NCBP3: variants seen among roughly 807,000 people sequenced by gnomAD.
NCBP3 encodes nuclear cap binding subunit 3, also known as nuclear cap-binding protein subunit 3.
A neutral mutation model predicts 75.7 loss-of-function variants in NCBP3; 20 were observed. That is an observed-to-expected ratio of 0.26 (90% CI 0.19 to 0.38). The LOEUF (loss-of-function observed/expected upper bound fraction) is 0.38, where lower values mean the gene tolerates loss of function less well. NCBP3 is among the 10% of genes least tolerant of loss of function. The pLI is 1.00. For missense variants in NCBP3, 678 were observed against 796.9 expected, an observed-to-expected ratio of 0.85 and a Z score of 1.80; for synonymous variants, 293 against 290.5, an observed-to-expected ratio of 1.01 and a Z score of -0.09.
chr17:3,829,131 A>C lies in NCBP3; in HGVS notation c.481+112T>G, dbSNP rs1239767593. 24 of 1,208,444 alleles carry C rather than the reference A, an allele frequency of 2.0e-5. 1 individual carries two copies. The East Asian group carries it at 6.2e-4, about 31-fold the overall frequency. 74.9% of individuals were successfully genotyped at this position (1,208,444 alleles called of 1,614,324 possible). ...TTTTCTCTCCTGGACTAACAGCAGA[A>C]GTTCGGCATAAACAAGTAGTATGGG... On this transcript the variant is annotated intron_variant, in intron 4 of 12. Coordinates refer to ENST00000389005, the MANE Select transcript of NCBP3 (RefSeq NM_001114118.3).
At chr17:3,823,574 TTTA>T (rs1400440580) in intron 7 of NCBP3, among the ~76,000 whole-genome samples, 4 of 152,156 alleles carry the variant, frequency 2.6e-5, no homozygotes, top group Non-Finnish European at 4.4e-5. Context: ...CCACCAATTT[TTTA>T]TTTTAATCAT....
In NCBP3 at chr17:3,821,879, A is replaced by T. The variant is rs1025178172; in HGVS notation, c.896+74T>A. 10 of 956,108 alleles carry T rather than the reference A, an allele frequency of 1.0e-5. No individual in the cohort carries two copies. The African/African-American group carries it at 1.5e-4, about 14-fold the overall frequency. 59.2% of individuals were successfully genotyped at this position (956,108 alleles called of 1,614,324 possible). On this transcript the variant is annotated intron_variant, in intron 8 of 12. Transcript: ENST00000389005. Reference sequence around the variant, plus strand: ...CTTCCAGTTTACACAGGGTTTAGACATTTCACCACGGAATACCAACTGAAG... The same window carrying T: ...CTTCCAGTTTACACAGGGTTTAGACTTTTCACCACGGAATACCAACTGAAG...
chr17:3,840,048 A>G (rs1448555341), intron 3 of NCBP3, 52 bp downstream of exon 3: 2 of 1,419,582 alleles, frequency 1.4e-6, no homozygotes, highest in African/African-American at 1.4e-5. Context: ...ATGGCAGGGA[A>G]AAGGCACTCT....
In NCBP3 at chr17:3,846,026, G is replaced by C; in HGVS notation, c.183+15C>G. On this transcript the variant is annotated intron_variant, in intron 1 of 12. Transcript: ENST00000389005. The surrounding 1 kb of genome is among the most constrained non-coding windows in gnomAD (Gnocchi z 4.6). The stretch of plus-strand genomic sequence containing the variant: ...CCCCGCGACCTCTTCCTTACCCCCC[G>C]ACCCCCGCCCGTACCGGGATCAGTT... 6.5e-7 allele frequency: 1 copy of C among 1,539,334 alleles called. No homozygotes were observed. Among genetic ancestry groups the C allele is most frequent in the Non-Finnish European group, 8.8e-7 (1 of 1,141,804 alleles).
rs898057236 is a variant in NCBP3, at chr17:3,803,492, G to C, written c.*9552C>G. 6.6e-6 allele frequency: 1 copy of C among 152,248 alleles called. No homozygotes were observed. The highest frequency in any genetic ancestry group is 1.5e-5 in the Non-Finnish European group (1 of 68,054). 9.4% of individuals were successfully genotyped at this position (152,248 alleles called of 1,614,324 possible). ...AATTTGAGAACTGTACCATGGGCAT[G>C]TGAGAGGCTGTCCCTGTTCTTGGGA... On this transcript the variant is annotated 3_prime_UTR_variant, in exon 13 of 13. Transcript: ENST00000389005.
At position 3,846,001 on chromosome 17, in the gene NCBP3, C is replaced by G; in HGVS notation, c.183+40G>C. ...GGCCCCCTCCGGCGCTAGACACTAG[C>G]CCCGCGACCTCTTCCTTACCCCCCG... On this transcript the variant is annotated intron_variant, in intron 1 of 12. Transcript: ENST00000389005. This position sits in a 1 kb window ranked among gnomAD's most constrained non-coding sequence, Gnocchi z 4.6. The G allele has an allele frequency of 6.5e-7, 1 of 1,536,368 alleles. No individual in the cohort carries two copies. Among genetic ancestry groups the G allele is most frequent in the Non-Finnish European group, 8.8e-7 (1 of 1,139,458 alleles).
intron 3 of NCBP3, among the ~76,000 whole-genome samples, chr17:3,829,938 C>T (rs1388606846): frequency 1.3e-5 from 2 of 152,136 alleles, no homozygotes; most frequent in African/African-American, 4.8e-5. Context: ...ATGGGTTGAC[C>T]TCACTACCAA....
chr17:3,815,627 G>T (rs2053515683), intron 11 of NCBP3, among the ~76,000 whole-genome samples: 1 of 152,138 alleles, frequency 6.6e-6, no homozygotes, highest in Non-Finnish European at 1.5e-5. Flanking sequence ...TCAACCAACT[G>T]CTGATCGAAT....
At position 3,825,038 on chromosome 17, in the gene NCBP3, A is replaced by C. The variant is rs1277236771; in HGVS notation, c.700T>G (p.Ser234Ala). 2 of 1,527,010 alleles carry C rather than the reference A, an allele frequency of 1.3e-6. No individual in the cohort carries two copies. The highest frequency in any genetic ancestry group is 1.8e-6 in the Non-Finnish European group (2 of 1,130,942). 94.6% of individuals were successfully genotyped at this position (1,527,010 alleles called of 1,614,324 possible). The change falls in exon 7 of 13, where the codon TCT becomes GCT. Residue 234 changes from serine (S) to alanine (A), a missense_variant. Coordinates refer to ENST00000389005, the MANE Select transcript of NCBP3 (RefSeq NM_001114118.3). The part of the protein sequence containing the change: ...NSSDVELDTL[S>A]QVEEESLLRN... ...AACAAAGACTCCTCTTCTACCTGAGACAACGTATCCAACTTAAGAAAGAAG... is the reference window on the plus strand; with the variant it reads ...AACAAAGACTCCTCTTCTACCTGAGCCAACGTATCCAACTTAAGAAAGAAG...
intron 4 of NCBP3, 107 bp from the exon 5 acceptor site, chr17:3,826,322 T>C: frequency 4.6e-6 from 5 of 1,086,124 alleles, no homozygotes; most frequent in East Asian, 2.7e-5. Context: ...AGCAACAGAT[T>C]ATCATCAGTA....
rs2053281417 is a variant in NCBP3, at chr17:3,802,586, C to G, written c.*10458G>C. The G allele has an allele frequency of 6.6e-6, 1 of 152,228 alleles. No individual in the cohort carries two copies. Among genetic ancestry groups the G allele is most frequent in the African/African-American group, 2.4e-5 (1 of 41,452 alleles). The allele number at this position is 152,228 out of a possible 1,614,324, so 9.4% of individuals were successfully genotyped here. A position where few individuals can be genotyped will look rare whatever the true frequency, so the allele number is the denominator to read the frequency against. ...ATCCTACTTCTGTTGAACCTCGTCC[C>G]AGGCAGGATCGGGGCCTGCGGCCTA... On this transcript the variant is annotated 3_prime_UTR_variant, in exon 13 of 13. Coordinates refer to ENST00000389005, the MANE Select transcript of NCBP3 (RefSeq NM_001114118.3).
intron 3 of NCBP3, among the ~76,000 whole-genome samples, chr17:3,832,999 C>T (rs1022240955): frequency 1.3e-5 from 2 of 152,154 alleles, no homozygotes; most frequent in African/African-American, 4.8e-5. Context: ...CGTGTAATCC[C>T]AGCACTTTGG....
At chr17:3,824,463 CGCGATACATACAT>C (rs1454369902) in intron 7 of NCBP3, 1 of 153,162 alleles carries the variant, frequency 6.5e-6, no homozygotes, top group South Asian at 2.0e-4. Flanking sequence ...CACACATACA[CGCGATACATACAT>C]ACATATACAT....
chr17:3,814,387 C>T lies in NCBP3; in HGVS notation c.1562G>A (p.Ser521Asn), dbSNP rs768869229. Residue 521 changes from serine to asparagine, a missense_variant, in exon 12 of 13, where the codon AGT (serine) becomes AAT (asparagine). Transcript: ENST00000389005. ...ATCCTGCCTGGGAACACCTAGCCTA[C>T]TATGCACATCAGAAGAGGGCTCTCT... ...VRREPSSDVH[S>N]RLGVPRQDSK... The T allele has an allele frequency of 3.7e-6, 6 of 1,614,220 alleles. No individual in the cohort carries two copies. The South Asian group carries it at 6.6e-5, about 18-fold the overall frequency.
rs1322024744 is a variant in NCBP3, at chr17:3,832,166, A to G, written c.356-2798T>C. ...GCCATTGCACTCCAGACTGGGCGAC[A>G]GGGCAAGACTCCGTCGCAAAAAAAA... is the stretch of plus-strand genomic sequence containing the variant. On this transcript the variant is annotated intron_variant, in intron 3 of 12. Transcript: ENST00000389005. 1.0e-4 allele frequency among the ~76,000 whole-genome samples: 10 copies of G among 98,960 alleles called. 1 individual carries two copies. In the South Asian group the frequency reaches 3.9e-3, roughly 38 times the overall value. 64.9% of individuals were successfully genotyped at this position (98,960 alleles called of 152,430 possible).
chr17:3,821,450 T>A (rs1053935093), intron 8 of NCBP3, 98 bp from the exon 9 acceptor site: 42 of 883,900 alleles, frequency 4.8e-5, no homozygotes, highest in Non-Finnish European at 6.5e-5. Context: ...TGTGATGGAG[T>A]CTCAATCTCT....
intron 7 of NCBP3, 98 bp from the exon 8 acceptor site, chr17:3,822,150 G>T: frequency 2.5e-6 from 2 of 805,802 alleles, no homozygotes. Context: ...AATCAGATCA[G>T]CGCAATTTGC....
intron 9 of NCBP3, among the ~76,000 whole-genome samples, chr17:3,819,373 T>A (rs1047201876): frequency 2.6e-5 from 4 of 152,072 alleles, no homozygotes; most frequent in African/African-American, 9.7e-5. Context: ...CTGGCTAACA[T>A]GCTAATACCC....
intron 7 of NCBP3, 177 bp from the exon 8 acceptor site, chr17:3,822,229 G>T: frequency 1.8e-6 from 1 of 556,314 alleles, no homozygotes; most frequent in Non-Finnish European, 3.2e-6. Context: ...GCAGTGTAGA[G>T]GGGATAAAGC....
Sources: allele counts gnomAD v4.1 joint callset (sites outside exome capture counted in the v4.1 genomes callset), GRCh38; gene constraint gnomAD v4.1.1; non-coding constraint Gnocchi (gnomAD v3.1); transcripts MANE v1.5; gene names NCBI Gene and HGNC (gene_info 2026-07-23, HGNC 2026-07-21).